KCNH7: variants seen among roughly 807,000 people sequenced by gnomAD.
KCNH7 encodes the protein potassium voltage-gated channel subfamily H member 7, also known as voltage-gated inwardly rectifying potassium channel KCNH7.
A neutral mutation model predicts 120.8 loss-of-function variants in KCNH7; 49 were observed. The ratio of observed to expected loss-of-function variants is 0.41; its 90% CI spans 0.32 to 0.51. The LOEUF (loss-of-function observed/expected upper bound fraction) is 0.51, where lower values mean the gene tolerates loss of function less well. KCNH7 is among the 20% of genes least tolerant of loss of function. The pLI is 0.38. For synonymous variants in KCNH7, 547 were observed against 516.1 expected (o/e 1.06, Z -0.81); for missense variants, 1,097 against 1,446.6 (o/e 0.76, Z 3.92).
rs182867740 is a variant in KCNH7 at position 162,380,945 on chromosome 2, A to T, written c.2963-924T>A. Among the ~76,000 whole-genome samples the T allele has an allele frequency of 1.2e-4, 18 of 152,218 alleles. No individual in the cohort carries two copies. In the East Asian group the frequency reaches 3.5e-3, roughly 29 times the overall value. On this transcript the variant is annotated intron_variant, in intron 13 of 15. Transcript: ENST00000332142. ...CCTACAATCTATATTTTAAGCTGTCAATATTTGGGGGAAAATATGTCCTTT... is the reference window on the plus strand; with the variant it reads ...CCTACAATCTATATTTTAAGCTGTCTATATTTGGGGGAAAATATGTCCTTT...
At chr2:162,610,386 T>C (rs1382987405) in intron 2 of KCNH7, among the ~76,000 whole-genome samples, 2 of 152,188 alleles carry the variant, frequency 1.3e-5, no homozygotes, top group Non-Finnish European at 2.9e-5. Context: ...ACAGCTACTA[T>C]TAACTGCTGT....
At chr2:162,640,072 A>C (rs932595820) in intron 2 of KCNH7, among the ~76,000 whole-genome samples, 1 of 152,144 alleles carries the variant, frequency 6.6e-6, no homozygotes, top group African/African-American at 2.4e-5. Flanking sequence ...TGTAGTGACA[A>C]AGTGTGTTCA....
chr2:162,714,891 C>T (rs903741896), intron 2 of KCNH7, among the ~76,000 whole-genome samples: 19 of 152,096 alleles, frequency 1.2e-4, no homozygotes, highest in Admixed American at 6.6e-5. Flanking sequence ...AGATAGTGGG[C>T]CAGGTGTAGC....
At chr2:162,446,486 T>C in intron 6 of KCNH7, 43 bp from the exon 7 acceptor site, 1 of 1,419,658 alleles carries the variant, frequency 7.0e-7, no homozygotes, top group Non-Finnish European at 9.6e-7. Context: ...AAATATGCCA[T>C]TTTTAATCTG....
At position 162,514,421 on chromosome 2, in the gene KCNH7, T is replaced by G. The variant is rs560254061; in HGVS notation, c.893-1747A>C. Among the ~76,000 whole-genome samples, 32 of 151,860 alleles carry G rather than the reference T, an allele frequency of 2.1e-4. No individual in the cohort carries two copies. The South Asian group carries it at 6.6e-3, about 31-fold the overall frequency. ...GTACTTATCAAACCTAAAAATTATA[T>G]GTAAAGATTTACCAATTCCAAGAAA... On this transcript the variant is annotated intron_variant, in intron 4 of 15. Coordinates refer to ENST00000332142, the MANE Select transcript of KCNH7 (RefSeq NM_033272.4).
At chr2:162,514,213 G>C (rs2105777950) in intron 4 of KCNH7, among the ~76,000 whole-genome samples, 1 of 151,868 alleles carries the variant, frequency 6.6e-6, no homozygotes, top group Non-Finnish European at 1.5e-5. Context: ...ATTGGACAAA[G>C]ATATACAAAT....
intron 2 of KCNH7, among the ~76,000 whole-genome samples, chr2:162,707,948 C>G (rs1417223803): frequency 6.6e-6 from 1 of 151,962 alleles, no homozygotes; most frequent in Non-Finnish European, 1.5e-5. Context: ...ATATTTCCTT[C>G]TCAGTGATTC....
At chr2:162,809,733 G>A (rs981849072) in intron 2 of KCNH7, among the ~76,000 whole-genome samples, 15 of 151,986 alleles carry the variant, frequency 9.9e-5, no homozygotes, top group African/African-American at 3.6e-4. Flanking sequence ...TATTCTAAAG[G>A]TAGTAAATAT....
intron 2 of KCNH7, among the ~76,000 whole-genome samples, chr2:162,812,256 A>T (rs1684756583): frequency 6.6e-6 from 1 of 152,106 alleles, no homozygotes; most frequent in Admixed American, 6.6e-5. Flanking sequence ...TATTTGAGGA[A>T]AAGTGACACA....
At chr2:162,407,302 A>C (rs1418639584) in intron 9 of KCNH7, among the ~76,000 whole-genome samples, 2 of 152,086 alleles carry the variant, frequency 1.3e-5, no homozygotes, top group Non-Finnish European at 2.9e-5. Flanking sequence ...ATCCCGAACC[A>C]GTTTTGATAA....
chr2:162,804,864 G>T (rs917610060), intron 2 of KCNH7, among the ~76,000 whole-genome samples: 1 of 151,318 alleles, frequency 6.6e-6, no homozygotes, highest in East Asian at 1.9e-4. Flanking sequence ...CTACAAGGCC[G>T]TATTTACCAA....
At chr2:162,640,598 T>A (rs916173413) in intron 2 of KCNH7, among the ~76,000 whole-genome samples, 1 of 152,014 alleles carries the variant, frequency 6.6e-6, no homozygotes, top group African/African-American at 2.4e-5. Flanking sequence ...TCTACAAAAC[T>A]TTTAGAACCA....
chr2:162,794,002 T>C (rs942607374), intron 2 of KCNH7, among the ~76,000 whole-genome samples: 1 of 152,018 alleles, frequency 6.6e-6, no homozygotes, highest in Non-Finnish European at 1.5e-5. Flanking sequence ...TGGTGATTAC[T>C]TCACAATGTA....
At chr2:162,429,402 T>TTTTTTTTTTTTTTTTTTTTTTTTC (rs1687988853) in intron 8 of KCNH7, among the ~76,000 whole-genome samples, 1 of 131,906 alleles carries the variant, frequency 7.6e-6, no homozygotes, top group African/African-American at 2.7e-5. Flanking sequence ...TTTTTTTTTT[T>TTTTTTTTTTTTTTTTTTTTTTTTC]TTTACTCACA....
intron 12 of KCNH7, among the ~76,000 whole-genome samples, chr2:162,392,748 G>A (rs1686781496): frequency 6.6e-6 from 1 of 151,956 alleles, no homozygotes; most frequent in South Asian, 2.1e-4. Flanking sequence ...GGGGAAGATG[G>A]AGTGATGGGA....
chr2:162,583,607 T>C (rs1425320208), intron 2 of KCNH7, among the ~76,000 whole-genome samples: 1 of 152,100 alleles, frequency 6.6e-6, no homozygotes, highest in African/African-American at 2.4e-5. Context: ...ACTGTAAAAG[T>C]ATGTAAAATA....
chr2:162,382,107 T>C lies in KCNH7; in HGVS notation c.2963-2086A>G, dbSNP rs897469800. On this transcript the variant is annotated intron_variant, in intron 13 of 15. Coordinates refer to ENST00000332142, the MANE Select transcript of KCNH7 (RefSeq NM_033272.4). ...AGAAAGCTTACAGAATTTCTGCCTA[T>C]GTTTAACAGCTCTCTTCTTTCCAAA... 2.0e-5 allele frequency among the ~76,000 whole-genome samples: 3 copies of C among 152,076 alleles called. No homozygotes were observed. The South Asian group carries it at 6.2e-4, about 31-fold the overall frequency.
chr2:162,493,925 G>C (rs940848168), intron 6 of KCNH7, among the ~76,000 whole-genome samples: 1 of 152,150 alleles, frequency 6.6e-6, no homozygotes, highest in Non-Finnish European at 1.5e-5. Context: ...AATTCTGTGT[G>C]TGAACATATT....
chr2:162,526,994 C>T (rs2105804802), intron 3 of KCNH7, among the ~76,000 whole-genome samples: 1 of 152,104 alleles, frequency 6.6e-6, no homozygotes, highest in East Asian at 2.0e-4. Context: ...GAAATCTTCA[C>T]AATCCACGTT....
Sources: allele counts gnomAD v4.1 joint callset (sites outside exome capture counted in the v4.1 genomes callset), GRCh38; gene constraint gnomAD v4.1.1; transcripts MANE v1.5; gene names NCBI Gene and HGNC (gene_info 2026-07-23, HGNC 2026-07-21).